The following GLI3 variants were observed in gnomAD, a reference collection of about 807,000 sequenced individuals.
GLI3 encodes the protein transcription activator GLI3.
A neutral mutation model predicts 100.8 loss-of-function variants in GLI3; 20 were observed. The observed-to-expected ratio is 0.20, with a 90% CI of 0.14 to 0.29. GLI3 has a LOEUF of 0.29. GLI3 is among the 10% of genes least tolerant of loss of function. GLI3 has a pLI of 1.00. For missense variants in GLI3, 2,040 were observed against 2,128.5 expected (o/e 0.96, Z 0.82); for synonymous variants, 938 against 860.5 (o/e 1.09, Z -1.58).
At chr7:42,006,540 T>C (rs1788465065) in intron 10 of GLI3, among the ~76,000 whole-genome samples, 1 of 152,224 alleles carries the variant, frequency 6.6e-6, no homozygotes, top group Admixed American at 6.5e-5. Context: ...AGCTTCTAAA[T>C]ATTGAGATAT....
At chr7:41,974,353 GAAA>G (rs879721973) in intron 12 of GLI3, among the ~76,000 whole-genome samples, 6 of 152,078 alleles carry the variant, frequency 3.9e-5, no homozygotes, top group Non-Finnish European at 8.8e-5. Context: ...ACAGGTTCAG[GAAA>G]TGTATACCTC....
At chr7:42,064,845 C>T (rs1200980319) in intron 4 of GLI3, among the ~76,000 whole-genome samples, 1 of 152,136 alleles carries the variant, frequency 6.6e-6, no homozygotes, top group African/African-American at 2.4e-5. Flanking sequence ...GCAGCTTGAT[C>T]CTGTACAGTG....
chr7:41,990,122 TACACAC>T lies in GLI3; in HGVS notation c.1498-11380_1498-11375del, dbSNP rs3138802. ...AACTGTAGGGTGATTAATGCTTGCT[TACACAC>T]ACACACACACACACACACACACAAT... On this transcript the variant is annotated intron_variant, in intron 10 of 14. Transcript: ENST00000395925. 3.4e-4 allele frequency among the ~76,000 whole-genome samples: 50 copies of T among 148,980 alleles called. No individual in the cohort carries two copies. In the South Asian group the frequency reaches 5.4e-3, roughly 16 times the overall value.
At chr7:42,153,983 C>G (rs905227548) in intron 2 of GLI3, among the ~76,000 whole-genome samples, 1 of 151,998 alleles carries the variant, frequency 6.6e-6, no homozygotes, top group Non-Finnish European at 1.5e-5. Context: ...TTTACTGAAT[C>G]CACACCTCCC....
intron 2 of GLI3, among the ~76,000 whole-genome samples, chr7:42,179,332 G>A (rs2330414): frequency 0.075 from 11,332 of 151,698 alleles, 475 homozygotes; most frequent in African/African-American, 0.11. Context: ...TTGGCAGCGT[G>A]AAAACAGACT....
intron 2 of GLI3, among the ~76,000 whole-genome samples, chr7:42,195,296 T>C (rs1237692824): frequency 6.6e-6 from 1 of 152,220 alleles, no homozygotes; most frequent in East Asian, 1.9e-4. Flanking sequence ...CAGGGCTTCT[T>C]AGGCATTCAT....
At chr7:42,103,388 G>A (rs2128763007) in intron 3 of GLI3, among the ~76,000 whole-genome samples, 1 of 152,126 alleles carries the variant, frequency 6.6e-6, no homozygotes, top group South Asian at 2.1e-4. Flanking sequence ...ACCCCCCACA[G>A]TGCCATAAAT....
At position 41,978,591 on chromosome 7, in the gene GLI3, G is replaced by T; in HGVS notation, c.1647+8C>A. ...CCAAGTGTGCCTGCCACCCACTTCTGTACTCACAGTGCATTTGTGAGGCTT... is the reference window on the plus strand; with the variant it reads ...CCAAGTGTGCCTGCCACCCACTTCTTTACTCACAGTGCATTTGTGAGGCTT... On this transcript the variant is annotated splice_region_variant and intron_variant, in intron 11 of 14. Coordinates refer to ENST00000395925, the MANE Select transcript of GLI3 (RefSeq NM_000168.6). 1 of 1,613,838 alleles carries T rather than the reference G, an allele frequency of 6.2e-7. No homozygotes were observed. The highest frequency in any genetic ancestry group is 8.5e-7 in the Non-Finnish European group (1 of 1,179,720).
At chr7:42,242,306 A>T (rs979085151), upstream of GLI3, among the ~76,000 whole-genome samples, 4 of 152,190 alleles carry the variant, frequency 2.6e-5, no homozygotes, top group African/African-American at 9.7e-5. Context: ...ACCACTCCCT[A>T]CAGCCTTATA....
rs541242993 is a variant in GLI3, at chr7:42,110,169, CCT to C, written c.368-33314_368-33313del. Among the ~76,000 whole-genome samples, 155 of 152,250 alleles carry C rather than the reference CCT, an allele frequency of 1.0e-3. 2 individuals carry two copies. The highest frequency in any genetic ancestry group is 3.5e-3 in the African/African-American group (146 of 41,542). On this transcript the variant is annotated intron_variant, in intron 3 of 14. Coordinates refer to ENST00000395925, the MANE Select transcript of GLI3 (RefSeq NM_000168.6). ...TGTAACAAAAAGACAGAGGAACCAA[CCT>C]CTGTCTTATTCCTTTCTTCAAATGT... is the stretch of plus-strand genomic sequence containing the variant.
chr7:42,115,612 G>A (rs1785833921), intron 3 of GLI3, among the ~76,000 whole-genome samples: 1 of 152,104 alleles, frequency 6.6e-6, no homozygotes, highest in South Asian at 2.1e-4. Context: ...GTAACACTGA[G>A]GTCCTACACC....
At chr7:42,204,858 G>C (rs537588877) in intron 2 of GLI3, among the ~76,000 whole-genome samples, 30 of 152,186 alleles carry the variant, frequency 2.0e-4, no homozygotes, top group African/African-American at 7.2e-4. Flanking sequence ...CTTCGGGAAA[G>C]GAAGGAAGTT....
intron 13 of GLI3, among the ~76,000 whole-genome samples, chr7:41,970,349 A>C (rs1787332541): frequency 6.6e-6 from 1 of 152,178 alleles, no homozygotes; most frequent in African/African-American, 2.4e-5. Flanking sequence ...GAAGATACCT[A>C]CTTTTAAATG....
In GLI3 at chr7:41,965,327, C is replaced by T. The variant is rs770466498; in HGVS notation, c.3746G>A (p.Cys1249Tyr). The T allele has an allele frequency of 2.5e-5, 40 of 1,613,840 alleles. No individual in the cohort carries two copies. The highest frequency in any genetic ancestry group is 1.1e-4 in the East Asian group (5 of 44,872). Residue 1249 changes from cysteine to tyrosine, a missense_variant, in exon 15 of 15, where the codon TGT (cysteine) becomes TAT (tyrosine). Transcript: ENST00000395925. The part of the protein sequence containing the change: ...TSGNAFHEQP[C>Y]KAPQYGNCLN... ...ACAGTTCCCATACTGCGGGGCCTTA[C>T]AGGGCTGTTCATGGAAGGCGTTTCC...
intron 2 of GLI3, among the ~76,000 whole-genome samples, chr7:42,166,033 A>G (rs1422834498): frequency 6.6e-6 from 1 of 152,184 alleles, no homozygotes; most frequent in Non-Finnish European, 1.5e-5. Context: ...AGCACATGTC[A>G]CTTCCAGGCT....
chr7:42,210,841 T>A (rs969328195), intron 2 of GLI3, among the ~76,000 whole-genome samples: 4 of 152,152 alleles, frequency 2.6e-5, no homozygotes, highest in African/African-American at 9.7e-5. Flanking sequence ...TGTTTCCTCT[T>A]CAATCTAGAA....
chr7:42,132,488 A>G (rs1786315897), intron 3 of GLI3, among the ~76,000 whole-genome samples: 1 of 152,216 alleles, frequency 6.6e-6, no homozygotes, highest in African/African-American at 2.4e-5. Flanking sequence ...TTATAAAGAG[A>G]GCTTCAAGGT....
At chr7:42,190,558 G>C (rs1197270413) in intron 2 of GLI3, among the ~76,000 whole-genome samples, 1 of 152,110 alleles carries the variant, frequency 6.6e-6, no homozygotes, top group Non-Finnish European at 1.5e-5. Flanking sequence ...TCCAATAAAG[G>C]CTCCAGACTC....
intron 2 of GLI3, among the ~76,000 whole-genome samples, chr7:42,185,467 T>C (rs76831235): frequency 0.046 from 6,991 of 152,320 alleles, 208 homozygotes; most frequent in Middle Eastern, 0.082. Flanking sequence ...CCACACGCTC[T>C]TCAAGCCACA....
Sources: allele counts gnomAD v4.1 joint callset (sites outside exome capture counted in the v4.1 genomes callset), GRCh38; gene constraint gnomAD v4.1.1; transcripts MANE v1.5; gene names NCBI Gene and HGNC (gene_info 2026-07-23, HGNC 2026-07-21).